SUPT3H: variants seen among roughly 807,000 people sequenced by gnomAD.
SUPT3H encodes the protein transcription initiation protein SPT3 homolog.
SUPT3H carries 44 observed loss-of-function variants against 44.3 expected under a neutral mutation model. The observed-to-expected ratio is 0.99, with a 90% CI of 0.78 to 1.28. The LOEUF is 1.28. SUPT3H is among the 50% of genes most tolerant of loss of function. The pLI, the probability that SUPT3H is intolerant of heterozygous loss-of-function variation, is 0.00. For synonymous variants in SUPT3H, 124 were observed against 125.6 expected, an observed-to-expected ratio of 0.99 and a Z score of 0.09; for missense variants, 380 against 387.1, an observed-to-expected ratio of 0.98 and a Z score of 0.15.
intron 2 of SUPT3H, among the ~76,000 whole-genome samples, chr6:45,158,140 A>G (rs1808168395): frequency 6.9e-6 from 1 of 145,358 alleles, no homozygotes; most frequent in African/African-American, 2.5e-5. Context: ...AACCCCTAAC[A>G]GAGTCACTTC....
intron 2 of SUPT3H, among the ~76,000 whole-genome samples, chr6:45,119,095 T>C (rs1474380566): frequency 1.3e-5 from 2 of 152,186 alleles, no homozygotes; most frequent in African/African-American, 4.8e-5. Flanking sequence ...TCTAATCTAC[T>C]GTCATAGACA....
chr6:44,995,841 T>C (rs1009307828), intron 6 of SUPT3H, among the ~76,000 whole-genome samples: 2 of 151,964 alleles, frequency 1.3e-5, no homozygotes, highest in South Asian at 2.1e-4. Context: ...ATGGTAAATA[T>C]GTAAATTCAA....
At chr6:45,018,190 T>C (rs999381911) in intron 4 of SUPT3H, among the ~76,000 whole-genome samples, 23 of 152,140 alleles carry the variant, frequency 1.5e-4, no homozygotes, top group Non-Finnish European at 3.1e-4. Flanking sequence ...TTTTGTACAT[T>C]GATTTTGTAT....
chr6:45,307,731 C>T (rs145403761), intron 2 of SUPT3H, among the ~76,000 whole-genome samples: 90 of 152,306 alleles, frequency 5.9e-4, no homozygotes, highest in Non-Finnish European at 1.0e-3. Context: ...TCTAAAGGAA[C>T]GCAGCTCCTC....
At chr6:44,970,692 C>T (rs1435743709) in intron 6 of SUPT3H, among the ~76,000 whole-genome samples, 1 of 151,730 alleles carries the variant, frequency 6.6e-6, no homozygotes, top group Non-Finnish European at 1.5e-5. Context: ...CAGAGGTTTA[C>T]ATAATATCTA....
chr6:45,129,608 GT>G (rs977382752), intron 2 of SUPT3H, among the ~76,000 whole-genome samples: 7 of 152,102 alleles, frequency 4.6e-5, no homozygotes, highest in African/African-American at 1.7e-4. Flanking sequence ...AACTTGTGCT[GT>G]TTTTTTGTAC....
At chr6:44,964,886 T>C (rs960568275) in intron 6 of SUPT3H, among the ~76,000 whole-genome samples, 4 of 152,156 alleles carry the variant, frequency 2.6e-5, no homozygotes, top group Non-Finnish European at 5.9e-5. Context: ...ATCTCTTCAA[T>C]TCAAAGGGAA....
chr6:45,176,481 G>C (rs569292026), intron 2 of SUPT3H, among the ~76,000 whole-genome samples: 152 of 152,224 alleles, frequency 1.0e-3, no homozygotes, highest in Middle Eastern at 3.4e-3. Flanking sequence ...ACTGCAAGGC[G>C]GCAGCGAGGC....
intron 2 of SUPT3H, among the ~76,000 whole-genome samples, chr6:45,168,797 G>C (rs565392842): frequency 6.6e-6 from 1 of 152,114 alleles, no homozygotes; most frequent in Non-Finnish European, 1.5e-5. Flanking sequence ...AAAGAAAAGC[G>C]TTTTGCTACC....
chr6:44,956,301 G>A (rs567579025), intron 7 of SUPT3H, among the ~76,000 whole-genome samples: 66 of 151,226 alleles, frequency 4.4e-4, no homozygotes, highest in Non-Finnish European at 8.0e-4. Context: ...TGGCCAACAT[G>A]GTGAAACCCC....
intron 3 of SUPT3H, among the ~76,000 whole-genome samples, chr6:45,060,007 AT>A (rs1791735483): frequency 1.3e-5 from 2 of 152,176 alleles, no homozygotes; most frequent in Non-Finnish European, 2.9e-5. Context: ...TATCGTGAAA[AT>A]GGCCATAGTA....
chr6:45,211,418 C>T (rs1764060563), intron 2 of SUPT3H, among the ~76,000 whole-genome samples: 1 of 151,966 alleles, frequency 6.6e-6, no homozygotes, highest in Non-Finnish European at 1.5e-5. Flanking sequence ...TATGTTTTGA[C>T]CACAGAATGA....
Position 45,243,135 on chromosome 6 carries a change from A to C in SUPT3H, c.101+122066T>G, listed in dbSNP as rs1428642221. On this transcript the variant is annotated intron_variant, in intron 2 of 10. Coordinates refer to ENST00000371459, the MANE Select transcript of SUPT3H (RefSeq NM_003599.4). ...CTTGAGACTGGGAGGCAGAGGTTGC[A>C]ATGAGTTGAGATAGATCGTGCCACT... is the stretch of plus-strand genomic sequence containing the variant. Among the ~76,000 whole-genome samples, 11 of 140,542 alleles carry C rather than the reference A, an allele frequency of 7.8e-5. No homozygotes were observed. The Admixed American group carries it at 8.2e-4, about 10-fold the overall frequency. 92.2% of individuals were successfully genotyped at this position (140,542 alleles called of 152,430 possible).
chr6:45,105,801 T>C (rs1338366046), intron 3 of SUPT3H, 121 bp downstream of exon 3: 2 of 727,852 alleles, frequency 2.7e-6, no homozygotes, highest in African/African-American at 3.6e-5. Context: ...TAAAGTATAC[T>C]TCAATAATGC....
chr6:45,274,055 T>C (rs1424971396), intron 2 of SUPT3H, among the ~76,000 whole-genome samples: 3 of 152,256 alleles, frequency 2.0e-5, no homozygotes, highest in African/African-American at 7.2e-5. Context: ...CTAATGACAT[T>C]GAGCATCTTT....
At chr6:45,118,410 A>T (rs1348610827) in intron 2 of SUPT3H, among the ~76,000 whole-genome samples, 1 of 152,156 alleles carries the variant, frequency 6.6e-6, no homozygotes, top group Non-Finnish European at 1.5e-5. Context: ...TCAATAAAAC[A>T]GTAATTAAGA....
At chr6:44,885,579 C>G (rs1477068450) in intron 10 of SUPT3H, among the ~76,000 whole-genome samples, 1 of 152,146 alleles carries the variant, frequency 6.6e-6, no homozygotes. Flanking sequence ...GGAAAACTAA[C>G]AAACAGAAAG....
chr6:45,176,432 GGA>G (rs1811882870), intron 2 of SUPT3H, among the ~76,000 whole-genome samples: 1 of 151,758 alleles, frequency 6.6e-6, no homozygotes, highest in African/African-American at 2.4e-5. Flanking sequence ...CTACGCCCAC[GGA>G]GTCTCCCTGA....
At chr6:45,328,784 G>A (rs776156260) in intron 2 of SUPT3H, 1 of 1,611,764 alleles carries the variant, frequency 6.2e-7, no homozygotes, top group Non-Finnish European at 8.5e-7. Flanking sequence ...CTTCTTTTGG[G>A]GTAAGTGTTA....
Sources: gnomAD v4.1 joint callset for allele counts (sites outside exome capture counted in the v4.1 genomes callset) on GRCh38, gnomAD v4.1.1 for gene constraint, MANE v1.5 for transcripts, NCBI Gene and HGNC (gene_info 2026-07-23, HGNC 2026-07-21) for gene names.